The following TNN variants were observed in gnomAD, a reference collection of about 807,000 sequenced individuals.
TNN encodes the protein tenascin N, also known as tenascin-N.
A neutral mutation model predicts 134.4 loss-of-function variants in TNN; 122 were observed. That is an observed-to-expected ratio of 0.91 (90% CI 0.78 to 1.06). TNN has a LOEUF of 1.06. Among genes scored for constraint, TNN ranks in the 50% least tolerant of loss-of-function variants. The pLI, the probability that TNN is intolerant of heterozygous loss-of-function variation, is 0.00. For missense variants in TNN, 1,739 were observed against 1,699.4 expected (o/e 1.02, Z -0.41); for synonymous variants, 710 against 670.3 (o/e 1.06, Z -0.91).
chr1:175,078,190 G>T (rs1250035604), intron 2 of TNN, among the ~76,000 whole-genome samples: 2 of 152,140 alleles, frequency 1.3e-5, no homozygotes, highest in Admixed American at 1.3e-4. Context: ...GACAAGACAG[G>T]TTACAAATCC....
At position 175,097,702 on chromosome 1, in the gene TNN, T is replaced by C. The variant is rs1674607288; in HGVS notation, c.1855+19T>C. Reference sequence around the variant, plus strand: ...CCGACAGGTAACAAAAGAGAGATGGTCAATTGGAATTGAGTTTTAGCTTGT... The same window carrying C: ...CCGACAGGTAACAAAAGAGAGATGGCCAATTGGAATTGAGTTTTAGCTTGT... On this transcript the variant is annotated intron_variant, in intron 8 of 18. Transcript: ENST00000239462. 6.2e-7 allele frequency: 1 copy of C among 1,613,702 alleles called. No homozygotes were observed. The highest frequency in any genetic ancestry group is 8.5e-7 in the Non-Finnish European group (1 of 1,179,846).
intron 9 of TNN, among the ~76,000 whole-genome samples, chr1:175,101,885 T>C (rs1270834835): frequency 1.4e-5 from 2 of 144,310 alleles, no homozygotes; most frequent in African/African-American, 2.5e-5. Flanking sequence ...TGCTGATTGG[T>C]GTATTTACAA....
chr1:175,114,464 C>T (rs1675112543), intron 9 of TNN, among the ~76,000 whole-genome samples: 1 of 152,222 alleles, frequency 6.6e-6, no homozygotes, highest in Non-Finnish European at 1.5e-5. Context: ...GAAAGTCTCC[C>T]TCTTGGGGTC....
chr1:175,112,598 CTTTTTTTTTTTTTTTTTTTTTT>C (rs767531767), intron 9 of TNN, among the ~76,000 whole-genome samples: 7 of 21,974 alleles, frequency 3.2e-4, no homozygotes, highest in Admixed American at 8.2e-4. Flanking sequence ...GCCGGCCGAT[CTTTTTTTTTTTTTTTTTTTTTT>C]TTTTTTTTTT....
chr1:175,145,571 A>AAAAAAAAAAAAAC (rs1676044649), intron 18 of TNN, among the ~76,000 whole-genome samples: 1 of 149,296 alleles, frequency 6.7e-6, no homozygotes, highest in African/African-American at 2.5e-5. Context: ...AAAAAAAAAA[A>AAAAAAAAAAAAAC]AAAAGCTGTC....
At chr1:175,116,801 C>T in intron 9 of TNN, 138 bp from the exon 10 acceptor site, 1 of 1,210,232 alleles carries the variant, frequency 8.3e-7, no homozygotes, top group Non-Finnish European at 1.2e-6. Flanking sequence ...GGTCTATATC[C>T]ATGAAACAAC....
intron 5 of TNN, among the ~76,000 whole-genome samples, chr1:175,084,210 G>T (rs559541705): frequency 6.6e-6 from 1 of 152,336 alleles, no homozygotes; most frequent in South Asian, 2.1e-4. Context: ...CTCTCTTGAA[G>T]ACCCTGTCTG....
chr1:175,116,746 C>T (rs1006591012), intron 9 of TNN, among the ~76,000 whole-genome samples, 193 bp from the exon 10 acceptor site: 1 of 152,218 alleles, frequency 6.6e-6, no homozygotes, highest in African/African-American at 2.4e-5. Flanking sequence ...TACCACTCTC[C>T]TGTGCTGCCT....
At chr1:175,088,982 T>C (rs1467466170) in intron 6 of TNN, among the ~76,000 whole-genome samples, 2 of 152,230 alleles carry the variant, frequency 1.3e-5, no homozygotes, top group Non-Finnish European at 2.9e-5. Flanking sequence ...GCCTTCCACC[T>C]ATACTGGAAT....
intron 9 of TNN, among the ~76,000 whole-genome samples, chr1:175,115,134 C>T (rs545461528): frequency 6.6e-6 from 1 of 152,154 alleles, no homozygotes; most frequent in South Asian, 2.1e-4. Flanking sequence ...TGCTGTATTT[C>T]CCTGGGACCT....
At chr1:175,090,501 A>G (rs12070875) in intron 6 of TNN, among the ~76,000 whole-genome samples, 83,133 of 151,744 alleles carry the variant, frequency 0.55, 23,352 homozygotes, top group African/African-American at 0.69. Context: ...TCATCCCGTC[A>G]GTGCCATCTT....
chr1:175,109,515 T>G (rs1018714306), intron 9 of TNN, among the ~76,000 whole-genome samples: 1 of 152,098 alleles, frequency 6.6e-6, no homozygotes, highest in African/African-American at 2.4e-5. Flanking sequence ...AGCTCCCACA[T>G]ATGAGTAAGA....
At chr1:175,102,942 T>C (rs1674764427) in intron 9 of TNN, among the ~76,000 whole-genome samples, 1 of 146,024 alleles carries the variant, frequency 6.8e-6, no homozygotes, top group African/African-American at 2.5e-5. Flanking sequence ...TCCTGCTGGA[T>C]GGGGCAAAGA....
intron 3 of TNN, 61 bp downstream of exon 3, chr1:175,079,768 C>A (rs1674154701): frequency 6.6e-7 from 1 of 1,507,058 alleles, no homozygotes; most frequent in South Asian, 1.3e-5. Flanking sequence ...CCATTTAACC[C>A]TCAATTACAC....
intron 9 of TNN, among the ~76,000 whole-genome samples, chr1:175,103,772 T>A (rs1015995206): frequency 6.9e-5 from 10 of 145,168 alleles, no homozygotes; most frequent in African/African-American, 2.5e-4. Context: ...TTTCTCTTTC[T>A]CTCTTTTCTT....
chr1:175,109,313 C>T (rs898522580), intron 9 of TNN, among the ~76,000 whole-genome samples: 2 of 150,170 alleles, frequency 1.3e-5, no homozygotes, highest in Non-Finnish European at 3.0e-5. Flanking sequence ...TGGTCTCGAT[C>T]TCCTGACCTC....
intron 9 of TNN, among the ~76,000 whole-genome samples, chr1:175,108,374 C>CT (rs1165477986): frequency 3.9e-5 from 6 of 152,372 alleles, no homozygotes; most frequent in African/African-American, 7.2e-5. Context: ...CCCCACCAGA[C>CT]CAGGAGCCCA....
At chr1:175,087,666 G>A (rs928323606) in intron 6 of TNN, among the ~76,000 whole-genome samples, 4 of 152,074 alleles carry the variant, frequency 2.6e-5, no homozygotes, top group East Asian at 3.9e-4. Context: ...GTTTTCCATC[G>A]GACACAAACT....
chr1:175,080,089 C>A, intron 3 of TNN, 74 bp from the exon 4 acceptor site: 1 of 1,572,184 alleles, frequency 6.4e-7, no homozygotes, highest in South Asian at 1.2e-5. Flanking sequence ...CCTTATAGTG[C>A]TCAGGGAATA....
Sources: allele counts gnomAD v4.1 joint callset (sites outside exome capture counted in the v4.1 genomes callset), GRCh38; gene constraint gnomAD v4.1.1; transcripts MANE v1.5; gene names NCBI Gene and HGNC (gene_info 2026-07-23, HGNC 2026-07-21).